The following ZNF280C variants were observed in gnomAD, a reference collection of about 807,000 sequenced individuals.
ZNF280C encodes the protein zinc finger protein 280C, also known as suppressor of hairy wing homolog 3.
In ZNF280C, 14 loss-of-function variants were observed where a neutral mutation model predicts 53.6. That is an observed-to-expected ratio of 0.26 (90% CI 0.17 to 0.41). The LOEUF is 0.41. ZNF280C is among the 10% of genes least tolerant of loss of function. The pLI, the probability that ZNF280C is intolerant of heterozygous loss-of-function variation, is 1.00. For synonymous variants in ZNF280C, 203 were observed against 181.1 expected (o/e 1.12, Z -0.97); for missense variants, 416 against 547.1 (o/e 0.76, Z 2.39).
chrX:130,220,207 C>T (rs2032148866), intron 13 of ZNF280C, 142 bp downstream of exon 13: 1 of 463,280 alleles, frequency 2.2e-6, no homozygotes, highest in Non-Finnish European at 3.2e-6. Context: ...TTTTGAAATA[C>T]ACAATAAATT....
At position 130,215,267 on chromosome X, in the gene ZNF280C, A is replaced by T; in HGVS notation, c.1905T>A (p.Phe635Leu). The change falls in exon 15 of 19, where the codon TTT becomes TTA. Residue 635 changes from phenylalanine to leucine, a missense_variant. By Grantham distance (22) the Phe-to-Leu change is conservative (BLOSUM62 0). Transcript: ENST00000370978. ...HSKIKDFASHFSIYIHCSFCK... is the reference protein window; with the variant it reads ...HSKIKDFASHLSIYIHCSFCK... Reference sequence around the variant, plus strand: ...AAAAACTGCAGTGGATGTATATAGAAAAGTGGCTTGCAAAATCTTTTATTT... The same window carrying T: ...AAAAACTGCAGTGGATGTATATAGATAAGTGGCTTGCAAAATCTTTTATTT... 1 of 1,204,017 alleles carries T rather than the reference A, an allele frequency of 8.3e-7. No individual in the cohort carries two copies. Among genetic ancestry groups the T allele is most frequent in the Non-Finnish European group, 1.1e-6 (1 of 891,329 alleles).
intron 2 of ZNF280C, among the ~76,000 whole-genome samples, chrX:130,257,649 T>C (rs1454254602): frequency 9.0e-6 from 1 of 111,487 alleles, no homozygotes; most frequent in Non-Finnish European, 1.9e-5. Context: ...AGGGAGTATA[T>C]AGGTACCTGC....
chrX:130,255,931 G>C (rs1176011943), intron 2 of ZNF280C, among the ~76,000 whole-genome samples: 1 of 111,547 alleles, frequency 9.0e-6, no homozygotes, highest in Non-Finnish European at 1.9e-5. Context: ...CTGCAATCTA[G>C]CCTGGGTGAT....
At chrX:130,248,864 G>A (rs777496257) in intron 2 of ZNF280C, among the ~76,000 whole-genome samples, 2 of 112,383 alleles carry the variant, frequency 1.8e-5, no homozygotes, top group African/African-American at 3.2e-5. Flanking sequence ...CAGTCAGTGC[G>A]TATGTGCGCA....
chrX:130,205,199 T>C (rs1223219634), intron 17 of ZNF280C, 46 bp from the exon 18 acceptor site: 1 of 1,137,184 alleles, frequency 8.8e-7, no homozygotes, highest in Admixed American at 2.3e-5. Context: ...ATATGAAGAG[T>C]GAGACTATCA....
chrX:130,251,621 C>A (rs921717107), intron 2 of ZNF280C, among the ~76,000 whole-genome samples: 1 of 110,501 alleles, frequency 9.0e-6, no homozygotes, highest in Non-Finnish European at 1.9e-5. Flanking sequence ...TGGGGCCGGG[C>A]GCGGTAGTGG....
At chrX:130,260,216 A>T (rs1336027887) in intron 2 of ZNF280C, among the ~76,000 whole-genome samples, 2 of 111,154 alleles carry the variant, frequency 1.8e-5, no homozygotes, top group African/African-American at 6.5e-5. Flanking sequence ...CAGGAGGTGG[A>T]GCTTGCAGTG....
chrX:130,228,816 T>C (rs760869049), intron 10 of ZNF280C, among the ~76,000 whole-genome samples, 161 bp downstream of exon 10: 1 of 109,151 alleles, frequency 9.2e-6, no homozygotes, highest in South Asian at 4.0e-4. Flanking sequence ...TTAGAACACA[T>C]TTCATCTAGG....
At chrX:130,248,782 C>T (rs1456137795) in intron 2 of ZNF280C, among the ~76,000 whole-genome samples, 1 of 112,517 alleles carries the variant, frequency 8.9e-6, no homozygotes, top group Non-Finnish European at 1.9e-5. Flanking sequence ...TGTGGCCATG[C>T]ACTGGCCCAC....
At chrX:130,244,303 G>A (rs764203342) in intron 3 of ZNF280C, among the ~76,000 whole-genome samples, 2 of 111,672 alleles carry the variant, frequency 1.8e-5, no homozygotes, top group African/African-American at 6.5e-5. Context: ...CCTCTGGATC[G>A]GTTTAAGACT....
chrX:130,221,469 C>A (rs1318298273), intron 12 of ZNF280C, among the ~76,000 whole-genome samples: 1 of 111,517 alleles, frequency 9.0e-6, no homozygotes, highest in Non-Finnish European at 1.9e-5. Context: ...TATTTCAAAT[C>A]AACATGGACA....
chrX:130,223,223 AT>A lies in ZNF280C; in HGVS notation c.1396-2744del, dbSNP rs1475113583. 1.8e-5 allele frequency among the ~76,000 whole-genome samples: 2 copies of A among 109,975 alleles called. 1 individual carries two copies. The highest frequency in any genetic ancestry group is 6.6e-5 in the African/African-American group (2 of 30,166). ...AGGCATGCACCACCACACCCAGCTAATTTTTTTTATTTTTAGTAGAGACAGG... is the reference window on the plus strand; with the variant it reads ...AGGCATGCACCACCACACCCAGCTAATTTTTTTATTTTTAGTAGAGACAGG... On this transcript the variant is annotated intron_variant, in intron 12 of 18. Transcript: ENST00000370978.
At chrX:130,255,023 G>GT (rs751301543) in intron 2 of ZNF280C, among the ~76,000 whole-genome samples, 1 of 95,648 alleles carries the variant, frequency 1.0e-5, no homozygotes, top group Non-Finnish European at 2.1e-5. Flanking sequence ...CCAAAATTCA[G>GT]TTAAAAAAAA....
intron 1 of ZNF280C, among the ~76,000 whole-genome samples, chrX:130,267,998 A>T (rs926866004): frequency 8.9e-6 from 1 of 112,312 alleles, no homozygotes; most frequent in Non-Finnish European, 1.9e-5. Context: ...ATTTCTCCTT[A>T]AAAAAGCATT....
Position 130,229,081 on chromosome X carries a change from C to G in ZNF280C, c.1043G>C (p.Ser348Thr), listed in dbSNP as rs761405477. The G allele has an allele frequency of 8.3e-7, 1 of 1,209,242 alleles. No individual in the cohort carries two copies. The highest frequency in any genetic ancestry group is 1.8e-5 in the South Asian group (1 of 56,549). ...HLELEKQNNE[S>T]WENHTTCQHC... ...CTGGCAGGTGGTGTGGTTTTCCCAG[C>G]TTTCATTGTTCTGCTTCTCAAGTTC... Residue 348 changes from serine to threonine, a missense_variant, in exon 10 of 19, where the codon AGC becomes ACC. Ser to Thr is a moderately conservative substitution (Grantham distance 58, BLOSUM62 1). Around this residue, in one of 3 missense-constraint regions of ZNF280C, gnomAD observed 72 missense variants for 168.8 expected, o/e 0.43. Transcript: ENST00000370978.
At chrX:130,230,900 C>A (rs2032270046) in intron 8 of ZNF280C, among the ~76,000 whole-genome samples, 173 bp from the exon 9 acceptor site, 1 of 111,791 alleles carries the variant, frequency 8.9e-6, no homozygotes, top group Admixed American at 9.5e-5. Flanking sequence ...TAAAAAAATT[C>A]AAACAATAAA....
chrX:130,206,361 G>GA (rs2031973964), intron 16 of ZNF280C, among the ~76,000 whole-genome samples: 1 of 73,482 alleles, frequency 1.4e-5, no homozygotes, highest in Non-Finnish European at 2.5e-5. Flanking sequence ...GACTTCTTTA[G>GA]TTTTTTTTTT....
rs747069834 is a variant in ZNF280C at position 130,205,160 on chromosome X, T to C, written c.2162-7A>G. 2.0e-5 allele frequency: 24 copies of C among 1,198,271 alleles called. No homozygotes were observed. The highest frequency in any genetic ancestry group is 2.7e-5 in the Non-Finnish European group (24 of 887,048). Reference sequence around the variant, plus strand: ...GTTGAGGTACTTTTGGAAACTGAAATCAAAAGAGTTTTACATTTACAATAG... The same window carrying C: ...GTTGAGGTACTTTTGGAAACTGAAACCAAAAGAGTTTTACATTTACAATAG... On this transcript the variant is annotated splice_region_variant and splice_polypyrimidine_tract_variant and intron_variant, in intron 17 of 18. Transcript: ENST00000370978.
At chrX:130,230,454 T>C (rs2032265477) in intron 9 of ZNF280C, 56 bp downstream of exon 9, 2 of 826,262 alleles carry the variant, frequency 2.4e-6, no homozygotes, top group East Asian at 3.5e-5. Flanking sequence ...AGATACTATA[T>C]TCTTATCTGT....
Sources: allele counts gnomAD v4.1 joint callset (sites outside exome capture counted in the v4.1 genomes callset), GRCh38; gene constraint gnomAD v4.1.1; regional missense constraint gnomAD v4.1.1; transcripts MANE v1.5; gene names NCBI Gene and HGNC (gene_info 2026-07-23, HGNC 2026-07-21).